Variants in DCLK3 observed in about 807,000 individuals in gnomAD.
The protein encoded by DCLK3 is doublecortin like kinase 3, also known as serine/threonine-protein kinase DCLK3.
A neutral mutation model predicts 46.4 loss-of-function variants in DCLK3; 30 were observed. The ratio of observed to expected loss-of-function variants is 0.65; its 90% confidence interval spans 0.48 to 0.88. The LOEUF is 0.88. Ranked by LOEUF, DCLK3 falls within the 40% of genes least tolerant of loss-of-function variation. DCLK3 has a pLI of 0.00. For synonymous variants in DCLK3, 401 were observed against 339.2 expected, an observed-to-expected ratio of 1.18 and a Z score of -2.00; for missense variants, 846 against 907.1, an observed-to-expected ratio of 0.93 and a Z score of 0.87.
At chr3:36,753,867 T>C (rs1042627586) in intron 1 of DCLK3, among the ~76,000 whole-genome samples, 1 of 152,030 alleles carries the variant, frequency 6.6e-6, no homozygotes, top group African/African-American at 2.4e-5. Flanking sequence ...GTTAAAGAAA[T>C]AGGGTCTCAC....
At chr3:36,728,452 A>G (rs1175934960) in intron 2 of DCLK3, among the ~76,000 whole-genome samples, 1 of 152,128 alleles carries the variant, frequency 6.6e-6, no homozygotes. Context: ...TGCCCTCAAT[A>G]TGGATGAGCA....
In DCLK3 at chr3:36,737,161, A is replaced by G. The variant is rs1370516986; in HGVS notation, c.1959+47T>C. ...AAACAATTAATATCAATTTTATCCCATATTCTAAAAACACCCTCTCCCATA... is the reference window on the plus strand; with the variant it reads ...AAACAATTAATATCAATTTTATCCCGTATTCTAAAAACACCCTCTCCCATA... On this transcript the variant is annotated intron_variant, in intron 2 of 4. Transcript: ENST00000636136. This position sits in a 1 kb window ranked among gnomAD's most constrained non-coding sequence, Gnocchi z 4.4. 1.9e-6 allele frequency: 3 copies of G among 1,570,392 alleles called. No homozygotes were observed. Among genetic ancestry groups the G allele is most frequent in the Non-Finnish European group, 2.6e-6 (3 of 1,159,326 alleles).
intron 1 of DCLK3, among the ~76,000 whole-genome samples, chr3:36,749,314 C>G (rs764081744): frequency 7.9e-5 from 12 of 152,338 alleles, no homozygotes; most frequent in South Asian, 4.1e-4. Flanking sequence ...TGGATGCTCA[C>G]AAGACTTCAT....
chr3:36,715,159 T>C lies in DCLK3; in HGVS notation c.*169A>G. Reference sequence around the variant, plus strand: ...ACAAATCTAAAAATATGTTGTGACATTTAACATTGACTTAATTTTTTTAAT... The same window carrying C: ...ACAAATCTAAAAATATGTTGTGACACTTAACATTGACTTAATTTTTTTAAT... On this transcript the variant is annotated 3_prime_UTR_variant, in exon 5 of 5. Coordinates refer to ENST00000636136, the MANE Select transcript of DCLK3 (RefSeq NM_001394672.2). 2 of 743,822 alleles carry C rather than the reference T, an allele frequency of 2.7e-6. No individual in the cohort carries two copies. Among genetic ancestry groups the C allele is most frequent in the Non-Finnish European group, 4.1e-6 (2 of 485,386 alleles). The allele number at this position is 743,822 out of a possible 1,614,324, so 46.1% of individuals were successfully genotyped here.
chr3:36,754,851 G>A (rs569872657), intron 1 of DCLK3, among the ~76,000 whole-genome samples: 1 of 152,278 alleles, frequency 6.6e-6, no homozygotes, highest in Admixed American at 6.5e-5. Flanking sequence ...AAGGCAATTA[G>A]AGTACATGGA....
At chr3:36,716,023 C>T (rs1339270615) in intron 4 of DCLK3, among the ~76,000 whole-genome samples, 1 of 152,174 alleles carries the variant, frequency 6.6e-6, no homozygotes, top group African/African-American at 2.4e-5. Context: ...CTTTCCAAGT[C>T]AATACATATG....
At chr3:36,720,504 C>CTT (rs34010996) in intron 3 of DCLK3, among the ~76,000 whole-genome samples, 49,372 of 129,166 alleles carry the variant, frequency 0.38, 10,150 homozygotes, top group Non-Finnish European at 0.41. Flanking sequence ...ATCTCCTCAT[C>CTT]TTTTTTTTTT....
Position 36,749,299 on chromosome 3 carries a change from C to G in DCLK3, c.83-10215G>C, listed in dbSNP as rs147155180. Among the ~76,000 whole-genome samples the G allele has an allele frequency of 3.3e-5, 5 of 152,360 alleles. No individual in the cohort carries two copies. The East Asian group carries it at 9.6e-4, about 29-fold the overall frequency. On this transcript the variant is annotated intron_variant, in intron 1 of 4. Coordinates refer to ENST00000636136, the MANE Select transcript of DCLK3 (RefSeq NM_001394672.2). ...TACTCTGGGGCTACTTTCCCTTCAG[C>G]TGACTGGATGCTCACAAGACTTCAT...
chr3:36,751,061 TCTAAAAAA>T (rs898974626), intron 1 of DCLK3, among the ~76,000 whole-genome samples: 7 of 28,230 alleles, frequency 2.5e-4, no homozygotes, highest in Admixed American at 2.3e-3. Context: ...GACGGGATGA[TCTAAAAAA>T]AAAAAAAAAA....
At chr3:36,759,274 T>C (rs1361583557) in intron 1 of DCLK3, among the ~76,000 whole-genome samples, 2 of 152,172 alleles carry the variant, frequency 1.3e-5, no homozygotes, top group Non-Finnish European at 2.9e-5. Context: ...CGCCATCCCC[T>C]ATTTCCCAGC....
At position 36,738,650 on chromosome 3, in the gene DCLK3, C is replaced by G; in HGVS notation, c.517G>C (p.Glu173Gln). The change falls in exon 2 of 5, where the codon GAA (glutamate) becomes CAA (glutamine). Residue 173 changes from glutamate (E) to glutamine (Q), a missense_variant. By Grantham distance (29) the Glu-to-Gln change is conservative (BLOSUM62 2). Around this residue, in one of 3 missense-constraint regions of DCLK3, gnomAD observed 553 missense variants for 543.0 expected, o/e 1.02. Coordinates refer to ENST00000636136, the MANE Select transcript of DCLK3 (RefSeq NM_001394672.2). The stretch of plus-strand genomic sequence containing the variant: ...TGAATGCTCTTCAGTGTCAGTGGTT[C>G]TTTGCCCATAGCTATGAAAGCATCC... ...EGDAFIAMGK[E>Q]PLTLKSIQVA... The G allele has an allele frequency of 7.5e-7, 1 of 1,331,430 alleles. No homozygotes were observed. Among genetic ancestry groups the G allele is most frequent in the Non-Finnish European group, 9.7e-7 (1 of 1,033,024 alleles). The allele number at this position is 1,331,430 out of a possible 1,614,324, so 82.5% of individuals were successfully genotyped here. A position where few individuals can be genotyped will look rare whatever the true frequency, so the allele number is the denominator to read the frequency against.
At chr3:36,724,485 A>G (rs369536672) in intron 2 of DCLK3, among the ~76,000 whole-genome samples, 4 of 152,152 alleles carry the variant, frequency 2.6e-5, no homozygotes, top group Non-Finnish European at 5.9e-5. Flanking sequence ...CTCATCTTGA[A>G]TTGTAACTCC....
chr3:36,736,120 C>A (rs553509953), intron 2 of DCLK3, among the ~76,000 whole-genome samples: 1 of 152,180 alleles, frequency 6.6e-6, no homozygotes, highest in Non-Finnish European at 1.5e-5. Flanking sequence ...TAAGGGAGAA[C>A]ACGTACTGTT....
At chr3:36,761,150 C>T (rs142627131) in intron 1 of DCLK3, among the ~76,000 whole-genome samples, 48 of 152,312 alleles carry the variant, frequency 3.2e-4, no homozygotes, top group African/African-American at 1.1e-3. Context: ...TCTATTCTAC[C>T]ACTTGCTATC....
At chr3:36,762,620 G>A (rs1259151318) in intron 1 of DCLK3, among the ~76,000 whole-genome samples, 1 of 152,146 alleles carries the variant, frequency 6.6e-6, no homozygotes, top group Non-Finnish European at 1.5e-5. Context: ...CCCCAGGGGA[G>A]ATGTAAATTC....
chr3:36,732,514 AGAG>A (rs1324684700), intron 2 of DCLK3, among the ~76,000 whole-genome samples: 1 of 152,238 alleles, frequency 6.6e-6, no homozygotes, highest in Non-Finnish European at 1.5e-5. Flanking sequence ...GCAGTTCTCC[AGAG>A]GAGTTCAATC....
Position 36,718,083 on chromosome 3 carries a change from C to T in DCLK3, c.2187G>A (p.Gln729=). The T allele has an allele frequency of 2.5e-6, 4 of 1,614,170 alleles. No homozygotes were observed. Among genetic ancestry groups the T allele is most frequent in the Non-Finnish European group, 3.4e-6 (4 of 1,180,024 alleles). ...FPPFRSPERD[Q]DELFNIIQLG... is the part of the protein sequence containing the mutation. ...GCTGGATGATGTTAAAGAGCTCGTC[C>T]TGGTCCCTCTCAGGGCTGCGGAATG... Residue 729 remains glutamine, a synonymous_variant, in exon 4 of 5, where the codon CAG becomes CAA. Coordinates refer to ENST00000636136, the MANE Select transcript of DCLK3 (RefSeq NM_001394672.2).
At chr3:36,749,317 G>T (rs1301502479) in intron 1 of DCLK3, among the ~76,000 whole-genome samples, 1 of 152,212 alleles carries the variant, frequency 6.6e-6, no homozygotes, top group Non-Finnish European at 1.5e-5. Context: ...ATGCTCACAA[G>T]ACTTCATAGT....
chr3:36,722,706 G>T (rs1701077325), intron 2 of DCLK3, among the ~76,000 whole-genome samples: 1 of 152,158 alleles, frequency 6.6e-6, no homozygotes, highest in South Asian at 2.1e-4. Flanking sequence ...GCCTGCACAA[G>T]CTCTCTCTTT....
Sources: gnomAD v4.1 joint callset for allele counts (sites outside exome capture counted in the v4.1 genomes callset) on GRCh38, gnomAD v4.1.1 for gene constraint, gnomAD v4.1.1 regional missense constraint, Gnocchi (gnomAD v3.1) non-coding constraint, MANE v1.5 for transcripts, NCBI Gene and HGNC (gene_info 2026-07-23, HGNC 2026-07-21) for gene names.